EML6: variants seen among roughly 807,000 people sequenced by gnomAD.
EML6 encodes the protein echinoderm microtubule-associated protein-like 6.
Under a neutral mutation model 240.1 loss-of-function variants are expected in EML6, and 154 were observed. The observed-to-expected ratio is 0.64, with a 90% CI of 0.56 to 0.73. The LOEUF is 0.73. Among genes scored for constraint, EML6 ranks in the 30% least tolerant of loss-of-function variants. EML6 has a pLI of 0.00. For missense variants in EML6, 2,964 were observed against 2,474.6 expected, an observed-to-expected ratio of 1.20 and a Z score of -4.20; for synonymous variants, 1,148 against 899.0, an observed-to-expected ratio of 1.28 and a Z score of -4.95.
At chr2:54,874,860 T>C (rs1047525772) in intron 16 of EML6, among the ~76,000 whole-genome samples, 10 of 152,098 alleles carry the variant, frequency 6.6e-5, no homozygotes, top group African/African-American at 1.7e-4. Flanking sequence ...AGAATGGACA[T>C]CCTGAAGTTT....
At chr2:54,933,986 T>G (rs1468054543) in intron 28 of EML6, among the ~76,000 whole-genome samples, 1 of 152,138 alleles carries the variant, frequency 6.6e-6, no homozygotes, top group Non-Finnish European at 1.5e-5. Flanking sequence ...ATAATTTTTT[T>G]GAATCACCAC....
chr2:54,831,620 T>C (rs1001092629), intron 7 of EML6, among the ~76,000 whole-genome samples: 8 of 152,216 alleles, frequency 5.3e-5, no homozygotes, highest in African/African-American at 1.9e-4. Context: ...CTGCACCTCA[T>C]AGGATGTGCC....
Position 54,853,870 on chromosome 2 carries a change from G to C in EML6, c.1657+15G>C. The C allele has an allele frequency of 1.3e-6, 2 of 1,517,472 alleles. No individual in the cohort carries two copies. The highest frequency in any genetic ancestry group is 1.4e-5 in the African/African-American group (1 of 72,412). 94.0% of individuals were successfully genotyped at this position (1,517,472 alleles called of 1,614,324 possible). A position where few individuals can be genotyped will look rare whatever the true frequency, so the allele number is the denominator to read the frequency against. On this transcript the variant is annotated intron_variant, in intron 11 of 41. Coordinates refer to ENST00000356458, the MANE Select transcript of EML6 (RefSeq NM_001039753.4). ...TCTCAAGAGAGGTAAGGCCAAAAGA[G>C]ATGTTTCATTGCATAAAGATTTACT... is the stretch of plus-strand genomic sequence containing the variant.
chr2:54,967,110 G>C lies in EML6; in HGVS notation c.5597+7G>C. 1 of 1,542,656 alleles carries C rather than the reference G, an allele frequency of 6.5e-7. No individual in the cohort carries two copies. The highest frequency in any genetic ancestry group is 8.8e-7 in the Non-Finnish European group (1 of 1,139,184). On this transcript the variant is annotated splice_region_variant and intron_variant, in intron 39 of 41. Transcript: ENST00000356458. ...CCTGGGCCTCCTGGACAAGGTGACT[G>C]ACTGGAAGAAAAAACTTGAGGAAAA...
intron 6 of EML6, 55 bp downstream of exon 6, chr2:54,827,806 C>A: frequency 8.1e-7 from 1 of 1,230,762 alleles, no homozygotes; most frequent in Non-Finnish European, 1.2e-6. Context: ...GGTAAGACCA[C>A]GAATCCCTCC....
In EML6 at chr2:54,971,951, G is replaced by C. The variant is rs942615482; in HGVS notation, c.*1856G>C. 6.6e-6 allele frequency: 1 copy of C among 152,186 alleles called. No individual in the cohort carries two copies. The highest frequency in any genetic ancestry group is 1.5e-5 in the Non-Finnish European group (1 of 68,044). The allele number at this position is 152,186 out of a possible 1,614,324, so 9.4% of individuals were successfully genotyped here. ...TATGTGAGTTAAAACATTGGTGCATGAATTTATTTTCAAAGTATAAAACAC... is the reference window on the plus strand; with the variant it reads ...TATGTGAGTTAAAACATTGGTGCATCAATTTATTTTCAAAGTATAAAACAC... On this transcript the variant is annotated 3_prime_UTR_variant, in exon 42 of 42. Transcript: ENST00000356458.
At chr2:54,948,382 G>T (rs1029597697) in intron 28 of EML6, among the ~76,000 whole-genome samples, 1 of 152,126 alleles carries the variant, frequency 6.6e-6, no homozygotes, top group African/African-American at 2.4e-5. Context: ...TAGGCACTTG[G>T]CCTGTGGTCC....
chr2:54,944,749 C>T (rs1046487430), intron 28 of EML6, among the ~76,000 whole-genome samples: 5 of 152,054 alleles, frequency 3.3e-5, no homozygotes, highest in Non-Finnish European at 7.4e-5. Flanking sequence ...GAATCCTTTC[C>T]ATCACCCCAT....
intron 2 of EML6, among the ~76,000 whole-genome samples, chr2:54,767,610 G>C (rs1668236196): frequency 7.9e-6 from 1 of 127,284 alleles, no homozygotes; most frequent in Admixed American, 7.5e-5. Flanking sequence ...GTGTGTGTGT[G>C]TGTGTGTGTG....
chr2:54,725,250 C>A lies in EML6; in HGVS notation c.189C>A (p.Asp63Glu). 6.8e-7 allele frequency: 1 copy of A among 1,468,270 alleles called. No homozygotes were observed. Among genetic ancestry groups the A allele is most frequent in the Non-Finnish European group, 9.1e-7 (1 of 1,101,500 alleles). 91.0% of individuals were successfully genotyped at this position (1,468,270 alleles called of 1,614,324 possible). A position where few individuals can be genotyped will look rare whatever the true frequency, so the allele number is the denominator to read the frequency against. ...SQKFFLGHND[D>E]IISLALHPDK... ...AATTCTTCCTGGGACACAACGACGA[C>A]ATTATCAGGTAAGGGGGTGGCCAGG... The change falls in exon 2 of 42, where the codon GAC (aspartate) becomes GAA (glutamate). Residue 63 changes from aspartate to glutamate, a missense_variant. Asp to Glu is a conservative substitution (Grantham distance 45). Transcript: ENST00000356458. The surrounding 1 kb of genome is among the most constrained non-coding windows in gnomAD (Gnocchi z 4.3).
chr2:54,929,676 G>C (rs1343289400), intron 28 of EML6, among the ~76,000 whole-genome samples: 5 of 145,396 alleles, frequency 3.4e-5, no homozygotes, highest in African/African-American at 1.3e-4. Flanking sequence ...TGGGGTTTTA[G>C]ATGCAAAGAA....
At chr2:54,965,329 A>G (rs1676700270) in intron 38 of EML6, among the ~76,000 whole-genome samples, 1 of 152,226 alleles carries the variant, frequency 6.6e-6, no homozygotes, top group African/African-American at 2.4e-5. Flanking sequence ...GGATGTATTT[A>G]TTCATTCAAC....
intron 17 of EML6, chr2:54,882,873 A>AAAAAGAG (rs796515025): frequency 8.9e-6 from 1 of 112,358 alleles, no homozygotes; most frequent in African/African-American, 3.5e-5. Context: ...AAAAAAAAAA[A>AAAAAGAG]AGAAAGCTTA....
At position 54,847,530 on chromosome 2, in the gene EML6, T is replaced by C; in HGVS notation, c.1094T>C (p.Met365Thr). 6.4e-7 allele frequency: 1 copy of C among 1,552,166 alleles called. No homozygotes were observed. Among genetic ancestry groups the C allele is most frequent in the Non-Finnish European group, 8.7e-7 (1 of 1,147,100 alleles). The change falls in exon 9 of 42, where the codon ATG becomes ACG. Residue 365 changes from methionine (M) to threonine (T), a missense_variant. Physicochemically the swap from Met to Thr is moderately conservative, Grantham distance 81. Coordinates refer to ENST00000356458, the MANE Select transcript of EML6 (RefSeq NM_001039753.4). ...CATGCCTTGATCGCCCGCTGTAACA[T>C]GGAAGAGGCGGTTCGCAGTGTAGCT... is the stretch of plus-strand genomic sequence containing the variant. Reference protein sequence around the residue: ...ADHALIARCNMEEAVRSVAFS... With the variant: ...ADHALIARCNTEEAVRSVAFS...
chr2:54,962,734 T>G (rs1359768439), intron 36 of EML6, 23 bp downstream of exon 36: 5 of 1,445,064 alleles, frequency 3.5e-6, no homozygotes, highest in Non-Finnish European at 4.6e-6. Context: ...CTGCCCAAAC[T>G]CAGATGCCCA....
chr2:54,770,718 C>A (rs567987072), intron 2 of EML6, among the ~76,000 whole-genome samples: 1 of 152,152 alleles, frequency 6.6e-6, no homozygotes, highest in Non-Finnish European at 1.5e-5. Context: ...ACATCTCTGT[C>A]GTTAGTTGAT....
At chr2:54,852,659 TG>T (rs2103766780) in intron 10 of EML6, among the ~76,000 whole-genome samples, 1 of 152,358 alleles carries the variant, frequency 6.6e-6, no homozygotes, top group African/African-American at 2.4e-5. Context: ...GTTTTTATTT[TG>T]TTGTCTCTTT....
chr2:54,917,955 T>C (rs2104329801), intron 26 of EML6, among the ~76,000 whole-genome samples: 1 of 152,362 alleles, frequency 6.6e-6, no homozygotes, highest in South Asian at 2.1e-4. Flanking sequence ...TGCTACCTTC[T>C]TGGTTTTGAG....
intron 5 of EML6, among the ~76,000 whole-genome samples, chr2:54,827,027 G>T (rs759845533): frequency 6.6e-6 from 1 of 152,090 alleles, no homozygotes; most frequent in Non-Finnish European, 1.5e-5. Context: ...ACAAAAATTA[G>T]CTGAGCTTGG....
Sources: allele counts gnomAD v4.1 joint callset (sites outside exome capture counted in the v4.1 genomes callset), GRCh38; gene constraint gnomAD v4.1.1; non-coding constraint Gnocchi (gnomAD v3.1); transcripts MANE v1.5; gene names NCBI Gene and HGNC (gene_info 2026-07-23, HGNC 2026-07-21).